POLR3B: variants seen among roughly 807,000 people sequenced by gnomAD.
The protein encoded by POLR3B is DNA-directed RNA polymerase III subunit RPC2.
A neutral mutation model predicts 147.4 loss-of-function variants in POLR3B; 96 were observed. That is an observed-to-expected ratio of 0.65 (90% CI 0.55 to 0.77). The LOEUF is 0.77. Among genes scored for constraint, POLR3B ranks in the 30% least tolerant of loss-of-function variants. POLR3B has a pLI of 0.00. For synonymous variants in POLR3B, 461 were observed against 485.9 expected (o/e 0.95, Z 0.67); for missense variants, 1,036 against 1,413.5 (o/e 0.73, Z 4.28).
Position 106,504,423 on chromosome 12 carries a change from C to G in POLR3B, c.3272+169C>G, listed in dbSNP as rs1327114640. Among the ~76,000 whole-genome samples, 1 of 152,200 alleles carries G rather than the reference C, an allele frequency of 6.6e-6. No homozygotes were observed. Among genetic ancestry groups the G allele is most frequent in the Non-Finnish European group, 1.5e-5 (1 of 68,032 alleles). ...CATTGGGGATACTCTGTGTACATGT[C>G]TCATTTGTCTACATCATGATCTACT... On this transcript the variant is annotated intron_variant, in intron 27 of 27. Coordinates refer to ENST00000228347, the MANE Select transcript of POLR3B (RefSeq NM_018082.6). The surrounding 1 kb of genome is among the most constrained non-coding windows in gnomAD (Gnocchi z 4.6).
At chr12:106,505,011 AC>A (rs1268522975) in intron 27 of POLR3B, among the ~76,000 whole-genome samples, 1 of 152,214 alleles carries the variant, frequency 6.6e-6, no homozygotes, top group Admixed American at 6.5e-5. Context: ...ATAAAAAAAT[AC>A]TGGTTGAATG....
At chr12:106,477,785 C>G (rs1484329538) in intron 23 of POLR3B, among the ~76,000 whole-genome samples, 1 of 151,988 alleles carries the variant, frequency 6.6e-6, no homozygotes, top group Non-Finnish European at 1.5e-5. Context: ...CTGAGATGAA[C>G]CCGGTACCTC....
chr12:106,429,113 G>T (rs552298116), intron 13 of POLR3B, among the ~76,000 whole-genome samples: 6 of 152,320 alleles, frequency 3.9e-5, no homozygotes, highest in Admixed American at 3.9e-4. Flanking sequence ...CATGGCAGGT[G>T]CAGTTTTTCT....
At chr12:106,432,269 T>C in intron 14 of POLR3B, 49 bp from the exon 15 acceptor site, 3 of 1,542,774 alleles carry the variant, frequency 1.9e-6, no homozygotes, top group Non-Finnish European at 2.7e-6. Flanking sequence ...AAACTGTACT[T>C]TGTATTACTA....
At chr12:106,414,400 AT>A (rs928859306) in intron 12 of POLR3B, among the ~76,000 whole-genome samples, 4 of 151,930 alleles carry the variant, frequency 2.6e-5, no homozygotes, top group Non-Finnish European at 4.4e-5. Flanking sequence ...CCTGGGTGTT[AT>A]TCTAGGGATA....
At chr12:106,428,975 G>C (rs1269594147) in intron 13 of POLR3B, among the ~76,000 whole-genome samples, 1 of 152,108 alleles carries the variant, frequency 6.6e-6, no homozygotes, top group African/African-American at 2.4e-5. Context: ...TCTGCTACAA[G>C]GGTTTTTAAC....
intron 9 of POLR3B, among the ~76,000 whole-genome samples, chr12:106,386,303 A>C (rs139717175): frequency 0.023 from 3,408 of 150,396 alleles, 139 homozygotes; most frequent in African/African-American, 0.079. Flanking sequence ...AAATCGCACC[A>C]CTGCACTCCA....
At chr12:106,396,358 G>A (rs559650315) in intron 10 of POLR3B, among the ~76,000 whole-genome samples, 2 of 152,292 alleles carry the variant, frequency 1.3e-5, no homozygotes, top group East Asian at 3.9e-4. Flanking sequence ...ACTGCAGCAA[G>A]TGTTTTCAGG....
rs577175497 is a variant in POLR3B at position 106,467,206 on chromosome 12, T to C, written c.2713+3586T>C. Among the ~76,000 whole-genome samples the C allele has an allele frequency of 1.4e-4, 21 of 152,306 alleles. 1 individual carries two copies. The South Asian group carries it at 4.1e-3, about 30-fold the overall frequency. On this transcript the variant is annotated intron_variant, in intron 23 of 27. Transcript: ENST00000228347. ...TGGATTCCTAGGTATTTTATTCTCT[T>C]TGAAGCAATTGTGAATGGGAGTTCA...
intron 9 of POLR3B, among the ~76,000 whole-genome samples, chr12:106,389,956 C>T (rs1235428301): frequency 2.0e-5 from 3 of 152,322 alleles, no homozygotes; most frequent in East Asian, 1.9e-4. Flanking sequence ...TGGTGACTTA[C>T]ACCTGTAATC....
intron 16 of POLR3B, among the ~76,000 whole-genome samples, chr12:106,435,251 C>T (rs1393245381): frequency 6.6e-6 from 1 of 151,094 alleles, no homozygotes. Flanking sequence ...TCTCAGCTCC[C>T]CACCCCCGTC....
chr12:106,437,612 C>T (rs976443860), intron 17 of POLR3B, 69 bp from the exon 18 acceptor site: 5 of 845,798 alleles, frequency 5.9e-6, no homozygotes, highest in Non-Finnish European at 8.1e-6. Context: ...GCCAGTATCT[C>T]CTGTTATTAT....
At chr12:106,452,336 AAC>A (rs1302467204) in intron 19 of POLR3B, among the ~76,000 whole-genome samples, 1 of 152,206 alleles carries the variant, frequency 6.6e-6, no homozygotes, top group Non-Finnish European at 1.5e-5. Context: ...ATAAGCACTA[AAC>A]ATTTGCTAAA....
At chr12:106,460,649 C>G (rs1187094461) in intron 22 of POLR3B, among the ~76,000 whole-genome samples, 3 of 152,178 alleles carry the variant, frequency 2.0e-5, no homozygotes, top group Non-Finnish European at 4.4e-5. Flanking sequence ...ACAGAGGTGC[C>G]TCTGCTGGTT....
intron 1 of POLR3B, among the ~76,000 whole-genome samples, chr12:106,359,129 C>T (rs561698903): frequency 1.3e-5 from 2 of 152,220 alleles, no homozygotes; most frequent in East Asian, 3.9e-4. Flanking sequence ...GTGGAAGGAT[C>T]ACTTGAGCCT....
intron 10 of POLR3B, 114 bp downstream of exon 10, chr12:106,393,267 T>C (rs751587280): frequency 9.0e-6 from 13 of 1,450,762 alleles, no homozygotes; most frequent in South Asian, 2.3e-5. Context: ...GGGAAAGGTA[T>C]TGGGGAGATA....
chr12:106,471,909 T>C (rs925901019), intron 23 of POLR3B, among the ~76,000 whole-genome samples: 17 of 151,542 alleles, frequency 1.1e-4, no homozygotes, highest in African/African-American at 3.4e-4. Flanking sequence ...ATGTGCACAT[T>C]GTGCAGGTTA....
Position 106,393,154 on chromosome 12 carries a change from G to A in POLR3B, c.846+1G>A, listed in dbSNP as rs1565882141. ...AGCTCAGATTTTCACACAGATGCAG[G>A]TGTGTCTTTTCATGTTGTCCTTTGC... On this transcript the variant is annotated splice_donor_variant, in intron 10 of 27. Coordinates refer to ENST00000228347, the MANE Select transcript of POLR3B (RefSeq NM_018082.6). LOFTEE classifies it high-confidence loss of function. 1.2e-6 allele frequency: 2 copies of A among 1,614,168 alleles called. No individual in the cohort carries two copies. Among genetic ancestry groups the A allele is most frequent in the East Asian group, 2.2e-5 (1 of 44,886 alleles).
intron 23 of POLR3B, among the ~76,000 whole-genome samples, chr12:106,477,895 T>TCC (rs1565909298): frequency 8.9e-5 from 8 of 90,244 alleles, no homozygotes; most frequent in African/African-American, 4.0e-4. Flanking sequence ...CCTCCCCTTT[T>TCC]TTTTTTTTTT....
Sources: gnomAD v4.1 joint callset for allele counts (sites outside exome capture counted in the v4.1 genomes callset) on GRCh38, gnomAD v4.1.1 for gene constraint, Gnocchi (gnomAD v3.1) non-coding constraint, MANE v1.5 for transcripts, NCBI Gene and HGNC (gene_info 2026-07-23, HGNC 2026-07-21) for gene names.